Variants in CPEB3 observed in about 807,000 individuals in gnomAD.
CPEB3 encodes the protein cytoplasmic polyadenylation element binding protein 3, also known as cytoplasmic polyadenylation element-binding protein 3.
Under a neutral mutation model 67.2 loss-of-function variants are expected in CPEB3, and 20 were observed. The ratio of observed to expected loss-of-function variants is 0.30; its 90% CI spans 0.21 to 0.43. The LOEUF is 0.43. Among genes scored for constraint, CPEB3 ranks in the 20% least tolerant of loss-of-function variants. CPEB3 has a pLI of 1.00. For missense variants in CPEB3, 746 were observed against 968.6 expected (o/e 0.77, Z 3.05); for synonymous variants, 376 against 393.1 (o/e 0.96, Z 0.51).
At chr10:92,217,235 T>TA (rs1554922011) in intron 2 of CPEB3, among the ~76,000 whole-genome samples, 85 of 115,658 alleles carry the variant, frequency 7.3e-4, no homozygotes, top group African/African-American at 2.3e-3. Flanking sequence ...AAAAAAAAAA[T>TA]TATATATATA....
At chr10:92,251,441 T>G (rs1384080422) in intron 1 of CPEB3, among the ~76,000 whole-genome samples, 1 of 152,088 alleles carries the variant, frequency 6.6e-6, no homozygotes, top group Non-Finnish European at 1.5e-5. Flanking sequence ...ATACTGAGAT[T>G]TAAAGTTATT....
intron 2 of CPEB3, among the ~76,000 whole-genome samples, chr10:92,199,895 C>CACAG (rs1229440410): frequency 2.0e-5 from 3 of 148,142 alleles, no homozygotes; most frequent in African/African-American, 7.4e-5. Flanking sequence ...TCCAAACACA[C>CACAG]AGAGAGAGAG....
chr10:92,234,021 C>T (rs1416731854), intron 2 of CPEB3, among the ~76,000 whole-genome samples: 1 of 149,948 alleles, frequency 6.7e-6, no homozygotes, highest in Non-Finnish European at 1.5e-5. Context: ...GCAGGAGAAT[C>T]GCTTGAACCC....
Position 92,258,683 on chromosome 10 carries a change from ATGTATT to A in CPEB3, c.-11-18328_-11-18323del, listed in dbSNP as rs1430342343. ...ATATATATATATATATATATATTTC[ATGTATT>A]TGTGTTCATCTTAGGTCAAAAAATG... On this transcript the variant is annotated intron_variant, in intron 1 of 9. Coordinates refer to ENST00000265997, the MANE Select transcript of CPEB3 (RefSeq NM_014912.5). 1.9e-5 allele frequency among the ~76,000 whole-genome samples: 2 copies of A among 104,402 alleles called. 1 individual carries two copies. Among genetic ancestry groups the A allele is most frequent in the Non-Finnish European group, 3.6e-5 (2 of 55,786 alleles). The allele number at this position is 104,402 out of a possible 152,430, so 68.5% of individuals were successfully genotyped here.
intron 6 of CPEB3, among the ~76,000 whole-genome samples, chr10:92,126,251 T>C (rs1014889038): frequency 1.3e-5 from 2 of 152,168 alleles, no homozygotes; most frequent in Non-Finnish European, 2.9e-5. Flanking sequence ...CCACACACCC[T>C]AGTACAGCCT....
intron 1 of CPEB3, among the ~76,000 whole-genome samples, chr10:92,265,790 C>CTT (rs761530938): frequency 7.2e-6 from 1 of 138,388 alleles, no homozygotes; most frequent in Non-Finnish European, 1.6e-5. Context: ...AAAAAGTTTT[C>CTT]TTTTTTTTTT....
At chr10:92,258,225 G>A (rs1394120402) in intron 1 of CPEB3, among the ~76,000 whole-genome samples, 1 of 150,868 alleles carries the variant, frequency 6.6e-6, no homozygotes, top group East Asian at 2.0e-4. Context: ...TCAGCCTCCT[G>A]AGTAGCTGGG....
intron 7 of CPEB3, among the ~76,000 whole-genome samples, chr10:92,105,189 T>C (rs1350556559): frequency 2.6e-5 from 4 of 152,240 alleles, no homozygotes; most frequent in Admixed American, 2.0e-4. Context: ...AATTCTAAGA[T>C]GTGGACATAC....
At position 92,048,985 on chromosome 10, in the gene CPEB3, G is replaced by A. The variant is rs769739476; in HGVS notation, c.*3227C>T. The A allele has an allele frequency of 3.3e-5, 5 of 152,264 alleles. No individual in the cohort carries two copies. The highest frequency in any genetic ancestry group is 2.0e-4 in the Admixed American group (3 of 15,240). 9.4% of individuals were successfully genotyped at this position (152,264 alleles called of 1,614,324 possible). ...AGAAAGCACTCCTTAAAGAAAATAC[G>A]AAATAAAATGAAAAATATGTAAATA... On this transcript the variant is annotated 3_prime_UTR_variant, in exon 10 of 10. Coordinates refer to ENST00000265997, the MANE Select transcript of CPEB3 (RefSeq NM_014912.5). This position sits in a 1 kb window ranked among gnomAD's most constrained non-coding sequence, Gnocchi z 4.1.
intron 7 of CPEB3, among the ~76,000 whole-genome samples, chr10:92,096,975 G>A (rs1382195842): frequency 6.6e-6 from 1 of 152,078 alleles, no homozygotes; most frequent in Non-Finnish European, 1.5e-5. Context: ...AAAAGGGGCT[G>A]CAGTATCCTT....
chr10:92,164,900 A>C (rs1590279785), intron 4 of CPEB3, among the ~76,000 whole-genome samples: 1 of 152,306 alleles, frequency 6.6e-6, no homozygotes. Context: ...TATTACTAAC[A>C]CAACACTATT....
Position 92,145,093 on chromosome 10 carries a change from G to GTGCCATAATATTATCTGTTCCTGGATGAT in CPEB3, c.1223-9_1223-8insATCATCCAGGAACAGATAATATTATGGCA. The GTGCCATAATATTATCTGTTCCTGGATGAT allele has an allele frequency of 6.2e-7, 1 of 1,613,746 alleles. No individual in the cohort carries two copies. On this transcript the variant is annotated splice_polypyrimidine_tract_variant and intron_variant, in intron 4 of 9. Coordinates refer to ENST00000265997, the MANE Select transcript of CPEB3 (RefSeq NM_014912.5). The stretch of plus-strand genomic sequence containing the variant: ...TATCATCCAGGAAGGCATCTTCAAA[G>GTGCCATAATATTATCTGTTCCTGGATGAT]GGAAAGAGAGAAGATCGACCTGAAA...
At chr10:92,093,218 T>C (rs759670614) in intron 7 of CPEB3, among the ~76,000 whole-genome samples, 2 of 152,208 alleles carry the variant, frequency 1.3e-5, no homozygotes, top group Non-Finnish European at 2.9e-5. Context: ...GAACCTGGTA[T>C]CTGTCCTCAA....
chr10:92,188,977 A>G (rs758825037), intron 3 of CPEB3, among the ~76,000 whole-genome samples: 1 of 152,160 alleles, frequency 6.6e-6, no homozygotes, highest in Non-Finnish European at 1.5e-5. Context: ...CTAAAACAGA[A>G]GTCTCATTAT....
intron 4 of CPEB3, among the ~76,000 whole-genome samples, chr10:92,174,231 C>T (rs933827443): frequency 2.6e-5 from 4 of 152,198 alleles, no homozygotes; most frequent in Admixed American, 6.5e-5. Flanking sequence ...GAGTTCACTC[C>T]CAGCAGAGGA....
At chr10:92,099,566 A>G (rs977967850) in intron 7 of CPEB3, among the ~76,000 whole-genome samples, 1 of 151,740 alleles carries the variant, frequency 6.6e-6, no homozygotes, top group African/African-American at 2.4e-5. Context: ...TATAAAATGC[A>G]TTTTTGGCCA....
At chr10:92,080,624 C>T (rs1300466360) in intron 9 of CPEB3, among the ~76,000 whole-genome samples, 3 of 151,636 alleles carry the variant, frequency 2.0e-5, no homozygotes, top group Non-Finnish European at 2.9e-5. Context: ...GACGGAGCCT[C>T]GCTCTGTCGC....
Position 92,240,328 on chromosome 10 carries a change from T to A in CPEB3, c.23A>T (p.Asp8Val). 6.7e-7 allele frequency: 1 copy of A among 1,486,584 alleles called. No individual in the cohort carries two copies. Among genetic ancestry groups the A allele is most frequent in the Non-Finnish European group, 8.9e-7 (1 of 1,118,948 alleles). The allele number at this position is 1,486,584 out of a possible 1,614,324, so 92.1% of individuals were successfully genotyped here. The change falls in exon 2 of 10, where the codon GAC becomes GTC. Residue 8 changes from aspartate (D) to valine (V), a missense_variant. Coordinates refer to ENST00000265997, the MANE Select transcript of CPEB3 (RefSeq NM_014912.5). ...GGGCTGGGGCTGGGTTTTGCTTTTGTCCATCAGTAAATCATCCTGCATGGT... is the reference window on the plus strand; with the variant it reads ...GGGCTGGGGCTGGGTTTTGCTTTTGACCATCAGTAAATCATCCTGCATGGT... MQDDLLM[D>V]KSKTQPQPQQ...
intron 2 of CPEB3, among the ~76,000 whole-genome samples, chr10:92,199,775 T>C (rs535363652): frequency 1.1e-4 from 17 of 152,128 alleles, no homozygotes; most frequent in South Asian, 4.2e-4. Context: ...GTATATGTTA[T>C]TGGGAAATAT....
Sources: allele counts gnomAD v4.1 joint callset (sites outside exome capture counted in the v4.1 genomes callset), GRCh38; gene constraint gnomAD v4.1.1; non-coding constraint Gnocchi (gnomAD v3.1); transcripts MANE v1.5; gene names NCBI Gene and HGNC (gene_info 2026-07-23, HGNC 2026-07-21).